Variants in CCNY observed in about 807,000 individuals in gnomAD.
The protein encoded by CCNY is cyclin-Y.
A neutral mutation model predicts 42.8 loss-of-function variants in CCNY; 19 were observed. The ratio of observed to expected loss-of-function variants is 0.44; its 90% confidence interval spans 0.31 to 0.65. The LOEUF (loss-of-function observed/expected upper bound fraction) is 0.65, where lower values mean the gene tolerates loss of function less well. Among genes scored for constraint, CCNY ranks in the 30% least tolerant of loss-of-function variants. The pLI, the probability that CCNY is intolerant of heterozygous loss-of-function variation, is 0.07. For synonymous variants in CCNY, 165 were observed against 162.7 expected (o/e 1.01, Z -0.11); for missense variants, 370 against 437.3 (o/e 0.85, Z 1.37).
chr10:35,549,300 G>C (rs1243180355), intron 7 of CCNY, among the ~76,000 whole-genome samples: 2 of 152,168 alleles, frequency 1.3e-5, no homozygotes, highest in Non-Finnish European at 2.9e-5. Context: ...ATGAGGGGTG[G>C]GGGGTTCTGC....
intron 3 of CCNY, among the ~76,000 whole-genome samples, chr10:35,309,262 GC>G (rs1835652489): frequency 6.6e-6 from 1 of 152,282 alleles, no homozygotes; most frequent in East Asian, 1.9e-4. Context: ...AGGAAGAATG[GC>G]CCTCCACATG....
intron 3 of CCNY, among the ~76,000 whole-genome samples, chr10:35,270,672 A>G (rs1394266662): frequency 2.7e-5 from 4 of 150,312 alleles, no homozygotes; most frequent in Non-Finnish European, 5.9e-5. Flanking sequence ...TTCAGTGTGT[A>G]GCTGAATCTC....
At chr10:35,264,924 C>T (rs1256157726) in intron 3 of CCNY, among the ~76,000 whole-genome samples, 2 of 152,174 alleles carry the variant, frequency 1.3e-5, no homozygotes, top group East Asian at 1.9e-4. Flanking sequence ...CCACCGCGCC[C>T]GGCCTTTTGC....
At chr10:35,387,886 A>T (rs188802369) in intron 1 of CCNY, among the ~76,000 whole-genome samples, 21 of 152,300 alleles carry the variant, frequency 1.4e-4, no homozygotes, top group African/African-American at 4.8e-4. Flanking sequence ...AGCTTTCCTG[A>T]AAATAGCCAA....
At chr10:35,439,321 C>G (rs1242863512) in intron 1 of CCNY, among the ~76,000 whole-genome samples, 3 of 152,100 alleles carry the variant, frequency 2.0e-5, no homozygotes, top group Non-Finnish European at 4.4e-5. Context: ...TTCTCGATTT[C>G]TCTCTATTGT....
intron 1 of CCNY, among the ~76,000 whole-genome samples, chr10:35,424,906 G>C (rs1452590164): frequency 6.6e-6 from 1 of 152,214 alleles, no homozygotes; most frequent in African/African-American, 2.4e-5. Flanking sequence ...AGGTTGGGGA[G>C]TCTAAGTGAA....
chr10:35,479,265 CA>C (rs1344523285), intron 1 of CCNY, among the ~76,000 whole-genome samples: 1 of 151,732 alleles, frequency 6.6e-6, no homozygotes, highest in Non-Finnish European at 1.5e-5. Context: ...GGTATATACC[CA>C]AAGGATTATA....
intron 1 of CCNY, among the ~76,000 whole-genome samples, chr10:35,477,661 A>T (rs1839547586): frequency 1.3e-5 from 2 of 149,718 alleles, no homozygotes; most frequent in Non-Finnish European, 3.0e-5. Context: ...GCTATCTATG[A>T]CAAACCCACA....
intron 3 of CCNY, among the ~76,000 whole-genome samples, chr10:35,318,854 ACCCTC>A (rs891416790): frequency 4.6e-5 from 7 of 150,812 alleles, no homozygotes; most frequent in Admixed American, 1.3e-4. Context: ...TAAATACAAG[ACCCTC>A]CCCTCCCCTC....
At chr10:35,534,439 G>A (rs956483091) in intron 7 of CCNY, among the ~76,000 whole-genome samples, 3 of 152,196 alleles carry the variant, frequency 2.0e-5, no homozygotes, top group African/African-American at 7.2e-5. Flanking sequence ...CCACAGCAAT[G>A]GGAGAGGGAG....
At chr10:35,315,655 T>C (rs531267966) in intron 3 of CCNY, among the ~76,000 whole-genome samples, 3 of 152,208 alleles carry the variant, frequency 2.0e-5, no homozygotes, top group Non-Finnish European at 4.4e-5. Context: ...GGTCAAATGA[T>C]AGTTCTAAGT....
chr10:35,269,761 C>G (rs554769900), intron 3 of CCNY, among the ~76,000 whole-genome samples: 1 of 151,948 alleles, frequency 6.6e-6, no homozygotes, highest in East Asian at 1.9e-4. Flanking sequence ...TCTGAAGTAG[C>G]TGGGATTACA....
At position 35,569,093 on chromosome 10, in the gene CCNY, A is replaced by G. The variant is rs144399705; in HGVS notation, c.949A>G (p.Arg317Gly). ...RLCEDKYKDL[R>G]RSARKRSASA... ...CTGCGAGGACAAGTACAAGGACCTA[A>G]GAAGATCCGCGAGGAAGCGCTCAGC... is the stretch of plus-strand genomic sequence containing the variant. Residue 317 changes from arginine to glycine, a missense_variant, in exon 10 of 10, where the codon AGA (arginine) becomes GGA (glycine). Around this residue, in one of 2 missense-constraint regions of CCNY, gnomAD observed 234 missense variants for 313.1 expected, o/e 0.75. Coordinates refer to ENST00000374704, the MANE Select transcript of CCNY (RefSeq NM_145012.6). 1.8e-4 allele frequency: 290 copies of G among 1,613,320 alleles called. No homozygotes were observed. In the African/African-American group the frequency reaches 3.0e-3, roughly 17 times the overall value.
At chr10:35,357,187 TGCCCCA>T (rs986021402) in intron 1 of CCNY, among the ~76,000 whole-genome samples, 22 of 128,514 alleles carry the variant, frequency 1.7e-4, no homozygotes, top group African/African-American at 4.7e-4. Context: ...CCCCTGCCCC[TGCCCCA>T]GCCCCAGCCC....
chr10:35,525,085 A>G (rs1840625230), intron 4 of CCNY, among the ~76,000 whole-genome samples: 2 of 152,242 alleles, frequency 1.3e-5, no homozygotes, highest in African/African-American at 2.4e-5. Context: ...CTAAATGTTC[A>G]TTAGTAGGGG....
intron 2 of CCNY, among the ~76,000 whole-genome samples, chr10:35,485,311 A>G (rs1839760166): frequency 6.6e-6 from 1 of 152,270 alleles, no homozygotes; most frequent in Non-Finnish European, 1.5e-5. Context: ...GCTGTCACCA[A>G]GAATTCCGTG....
intron 3 of CCNY, among the ~76,000 whole-genome samples, chr10:35,281,643 T>A (rs1341938040): frequency 6.6e-6 from 1 of 152,128 alleles, no homozygotes; most frequent in Non-Finnish European, 1.5e-5. Flanking sequence ...TTATTCATAA[T>A]AGCTAAATAA....
Position 35,268,831 on chromosome 10 carries a change from C to T in CCNY, c.-9+18205C>T, listed in dbSNP as rs1022075953. ...TGGAGGCACAGCCAGAGTGACCAAG[C>T]AGCACTGGGCCAGAATGCGGGGAGG... is the stretch of plus-strand genomic sequence containing the variant. On this transcript the variant is annotated intron_variant, in intron 3 of 11. Transcript: ENST00000374706. Among the ~76,000 whole-genome samples, 4 of 152,228 alleles carry T rather than the reference C, an allele frequency of 2.6e-5. 1 individual carries two copies. The highest frequency in any genetic ancestry group is 5.9e-5 in the Non-Finnish European group (4 of 68,036).
At chr10:35,359,213 C>A (rs1030267148) in intron 1 of CCNY, among the ~76,000 whole-genome samples, 3 of 152,184 alleles carry the variant, frequency 2.0e-5, no homozygotes, top group African/African-American at 7.2e-5. Flanking sequence ...TTTGCCTCCC[C>A]CTGTCCTGTC....
Sources: allele counts gnomAD v4.1 joint callset (sites outside exome capture counted in the v4.1 genomes callset), GRCh38; gene constraint gnomAD v4.1.1; regional missense constraint gnomAD v4.1.1; transcripts MANE v1.5; gene names NCBI Gene and HGNC (gene_info 2026-07-23, HGNC 2026-07-21).